The following NINJ2 variants were observed in gnomAD, a reference collection of about 807,000 sequenced individuals.
NINJ2 encodes the protein ninjurin-2.
A neutral mutation model predicts 11.7 loss-of-function variants in NINJ2; 12 were observed. The observed-to-expected ratio is 1.02, with a 90% confidence interval of 0.66 to 1.66. The LOEUF (loss-of-function observed/expected upper bound fraction) is 1.66. NINJ2 is among the 40% of genes most tolerant of loss of function. The pLI is 0.00. For missense variants in NINJ2, 187 were observed against 181.8 expected (o/e 1.03, Z -0.16); for synonymous variants, 93 against 76.8 (o/e 1.21, Z -1.10).
intron 1 of NINJ2, among the ~76,000 whole-genome samples, chr12:621,718 GA>G (rs1948154800): frequency 6.6e-6 from 1 of 151,448 alleles, no homozygotes; most frequent in African/African-American, 2.4e-5. Context: ...TCAGGAGACT[GA>G]GGCAGGAGAA....
At chr12:601,351 CCTGG>C (rs1947866032) in intron 1 of NINJ2, among the ~76,000 whole-genome samples, 1 of 145,790 alleles carries the variant, frequency 6.9e-6, no homozygotes, top group Non-Finnish European at 1.5e-5. Context: ...TCGAGACCAT[CCTGG>C]CTAACACAGT....
At chr12:608,345 G>A (rs377636978) in intron 1 of NINJ2, among the ~76,000 whole-genome samples, 5 of 152,294 alleles carry the variant, frequency 3.3e-5, no homozygotes, top group South Asian at 4.2e-4. Context: ...AGCAATAAAA[G>A]CCTAATGTTA....
chr12:568,879 C>A (rs75342977), intron 1 of NINJ2, among the ~76,000 whole-genome samples: 3 of 8,506 alleles, frequency 3.5e-4, no homozygotes, highest in Non-Finnish European at 9.0e-4. Flanking sequence ...TGAGGACACC[C>A]CCCCCCCCCC....
At chr12:601,598 T>C (rs1044988296) in intron 1 of NINJ2, among the ~76,000 whole-genome samples, 1 of 152,008 alleles carries the variant, frequency 6.6e-6, no homozygotes, top group African/African-American at 2.4e-5. Flanking sequence ...GTGCGGTGGC[T>C]CACGCCTGTA....
At position 659,823 on chromosome 12, in the gene NINJ2, G is replaced by C. The variant is rs142163467; in HGVS notation, c.33+3505C>G. ...AACGTCTCAGTGCAGTAGTAGGTGC[G>C]GGCACACACACCTGTGATCCATGTC... is the stretch of plus-strand genomic sequence containing the variant. On this transcript the variant is annotated intron_variant, in intron 1 of 3. Transcript: ENST00000305108. 2.6e-5 allele frequency among the ~76,000 whole-genome samples: 4 copies of C among 152,270 alleles called. No homozygotes were observed. The South Asian group carries it at 8.3e-4, about 32-fold the overall frequency.
intron 1 of NINJ2, among the ~76,000 whole-genome samples, chr12:573,798 G>A (rs961575179): frequency 6.6e-6 from 1 of 152,096 alleles, no homozygotes; most frequent in Non-Finnish European, 1.5e-5. Context: ...CCTCAGAAGG[G>A]GCACTAGACC....
At chr12:610,724 C>CTTT in intron 1 of NINJ2, 12 of 220,878 alleles carry the variant, frequency 5.4e-5, no homozygotes, top group Non-Finnish European at 8.1e-5. Flanking sequence ...CACTGGAAAT[C>CTTT]TATTCTTTTT....
intron 1 of NINJ2, among the ~76,000 whole-genome samples, chr12:594,969 T>C (rs1480229014): frequency 6.6e-6 from 1 of 152,186 alleles, no homozygotes; most frequent in African/African-American, 2.4e-5. Context: ...CAGTGTGATA[T>C]TATCAAAAGG....
rs10633920 is a variant in NINJ2, at chr12:648,996, G to GTCTGTCTGTCTA, written c.33+14331_33+14332insTAGACAGACAGA. On this transcript the variant is annotated intron_variant, in intron 1 of 3. Coordinates refer to ENST00000305108, the MANE Select transcript of NINJ2 (RefSeq NM_016533.6). ...CATCCACCTATCTATCTATCTATCT[G>GTCTGTCTGTCTA]TCTATCTATCTATCTATCTATCTAT... Among the ~76,000 whole-genome samples, 244 of 149,006 alleles carry GTCTGTCTGTCTA rather than the reference G, an allele frequency of 1.6e-3. 1 individual carries two copies. The highest frequency in any genetic ancestry group is 4.7e-3 in the East Asian group (24 of 5,080).
chr12:612,966 A>T (rs894875120), intron 1 of NINJ2, among the ~76,000 whole-genome samples: 1 of 152,204 alleles, frequency 6.6e-6, no homozygotes, highest in African/African-American at 2.4e-5. Flanking sequence ...GATGCTAAAC[A>T]GGCCTCATGG....
At chr12:650,383 G>A (rs1416816418) in intron 1 of NINJ2, among the ~76,000 whole-genome samples, 2 of 151,950 alleles carry the variant, frequency 1.3e-5, no homozygotes, top group Non-Finnish European at 2.9e-5. Flanking sequence ...ATAGGTGTAA[G>A]CCACTGCTCC....
chr12:628,786 A>G lies in NINJ2; in HGVS notation c.33+34542T>C, dbSNP rs1948237035. Among the ~76,000 whole-genome samples, 1 of 152,240 alleles carries G rather than the reference A, an allele frequency of 6.6e-6. No individual in the cohort carries two copies. The highest frequency in any genetic ancestry group is 1.5e-5 in the Non-Finnish European group (1 of 68,044). ...TGACCACTGGTTGTCCTCACTGCTC[A>G]GTATATGCCAATTATACATTAGCAT... On this transcript the variant is annotated intron_variant, in intron 1 of 3. Coordinates refer to ENST00000305108, the MANE Select transcript of NINJ2 (RefSeq NM_016533.6). This position sits in a 1 kb window ranked among gnomAD's most constrained non-coding sequence, Gnocchi z 4.4.
intron 1 of NINJ2, among the ~76,000 whole-genome samples, chr12:610,169 C>A (rs11063857): frequency 6.6e-6 from 1 of 152,016 alleles, no homozygotes; most frequent in African/African-American, 2.4e-5. Context: ...CTCCTGCCTT[C>A]CCCATCCTGA....
chr12:606,904 C>T (rs544466034), intron 1 of NINJ2, among the ~76,000 whole-genome samples: 24 of 152,194 alleles, frequency 1.6e-4, no homozygotes, highest in Non-Finnish European at 2.2e-4. Flanking sequence ...GGAGAGAGGA[C>T]GACGCTTTGA....
In NINJ2 at chr12:621,088, T is replaced by C. The variant is rs558573471; in HGVS notation, c.33+42240A>G. On this transcript the variant is annotated intron_variant, in intron 1 of 3. Coordinates refer to ENST00000305108, the MANE Select transcript of NINJ2 (RefSeq NM_016533.6). ...TAGCTTCACGTCCTTCTTGAAGAAA[T>C]AGCAGCTACTAGAAGAGGTTCCCCT... 9.1e-4 allele frequency among the ~76,000 whole-genome samples: 139 copies of C among 152,028 alleles called. 1 individual carries two copies. Among genetic ancestry groups the C allele is most frequent in the Non-Finnish European group, 1.8e-3 (122 of 68,002 alleles).
chr12:626,706 C>A (rs2120406283), intron 1 of NINJ2, among the ~76,000 whole-genome samples: 1 of 152,238 alleles, frequency 6.6e-6, no homozygotes, highest in African/African-American at 2.4e-5. Context: ...AGGCAGTCAA[C>A]CTTTCTGCAC....
rs755878816 is a variant in NINJ2, at chr12:663,370, C to T, written c.-10G>A. 1.2e-6 allele frequency: 2 copies of T among 1,614,074 alleles called. No homozygotes were observed. The highest frequency in any genetic ancestry group is 2.7e-5 in the African/African-American group (2 of 74,934). On this transcript the variant is annotated 5_prime_UTR_variant, in exon 1 of 4. Transcript: ENST00000305108. ...CTCTTGCTGATTCCATCTCGCTGCC[C>T]TCAAGTCCCTTCACACGCACCGGGT...
At chr12:570,020 T>C (rs866515880) in intron 1 of NINJ2, among the ~76,000 whole-genome samples, 38 of 152,222 alleles carry the variant, frequency 2.5e-4, no homozygotes, top group Middle Eastern at 3.4e-3. Flanking sequence ...ACGGGATTAA[T>C]GGGAAACCTG....
At chr12:631,349 T>C (rs1948278919) in intron 1 of NINJ2, among the ~76,000 whole-genome samples, 1 of 152,158 alleles carries the variant, frequency 6.6e-6, no homozygotes, top group Admixed American at 6.5e-5. Flanking sequence ...CTACCTTTTT[T>C]TGTTAAATTT....
Sources: allele counts gnomAD v4.1 joint callset (sites outside exome capture counted in the v4.1 genomes callset), GRCh38; gene constraint gnomAD v4.1.1; non-coding constraint Gnocchi (gnomAD v3.1); transcripts MANE v1.5; gene names NCBI Gene and HGNC (gene_info 2026-07-23, HGNC 2026-07-21).